EBF3: variants seen among roughly 807,000 people sequenced by gnomAD.
EBF3 encodes the protein transcription factor COE3.
A neutral mutation model predicts 77.1 loss-of-function variants in EBF3; 18 were observed. That is an observed-to-expected ratio of 0.23 (90% CI 0.16 to 0.35). EBF3 has a LOEUF of 0.35. Ranked by LOEUF, EBF3 falls within the 10% of genes least tolerant of loss-of-function variation. The pLI, the probability that EBF3 is intolerant of heterozygous loss-of-function variation, is 1.00. For missense variants in EBF3, 558 were observed against 860.0 expected, an observed-to-expected ratio of 0.65 and a Z score of 4.39; for synonymous variants, 350 against 343.5, an observed-to-expected ratio of 1.02 and a Z score of -0.21.
intron 6 of EBF3, among the ~76,000 whole-genome samples, chr10:129,917,780 A>C (rs373339768): frequency 7.9e-5 from 12 of 152,074 alleles, no homozygotes; most frequent in East Asian, 7.7e-4. Flanking sequence ...GTGATATTTA[A>C]ATATAATTTG....
intron 6 of EBF3, among the ~76,000 whole-genome samples, chr10:129,880,548 T>G (rs916508189): frequency 2.0e-5 from 3 of 152,202 alleles, no homozygotes; most frequent in African/African-American, 7.2e-5. Flanking sequence ...CTCCCTCTCT[T>G]TATTTTCTAT....
intron 6 of EBF3, among the ~76,000 whole-genome samples, chr10:129,936,628 G>A: frequency 6.6e-6 from 1 of 151,732 alleles, no homozygotes; most frequent in East Asian, 1.9e-4. Context: ...GTTATGGCAG[G>A]GGACCCTCAG....
Position 129,848,229 on chromosome 10 carries a change from A to G in EBF3, c.1128+163T>C, listed in dbSNP as rs1850611460. On this transcript the variant is annotated intron_variant, in intron 11 of 16. Coordinates refer to ENST00000440978, the MANE Select transcript of EBF3 (RefSeq NM_001375380.1). This position sits in a 1 kb window ranked among gnomAD's most constrained non-coding sequence, Gnocchi z 4.4. Reference sequence around the variant, plus strand: ...CCTTCGCCCACCTCTGAAGCTGGTCAGGTGCGGGCCCGGGCAGCTCCTCAC... The same window carrying G: ...CCTTCGCCCACCTCTGAAGCTGGTCGGGTGCGGGCCCGGGCAGCTCCTCAC... Among the ~76,000 whole-genome samples, 1 of 152,194 alleles carries G rather than the reference A, an allele frequency of 6.6e-6. No individual in the cohort carries two copies. Among genetic ancestry groups the G allele is most frequent in the Non-Finnish European group, 1.5e-5 (1 of 68,044 alleles).
At chr10:129,840,537 G>T in intron 14 of EBF3, 95 bp from the exon 15 acceptor site, 1 of 1,381,962 alleles carries the variant, frequency 7.2e-7, no homozygotes, top group Non-Finnish European at 9.8e-7. Context: ...GGGGGCAGGG[G>T]CACGAAAACA....
rs1849599970 is a variant in EBF3 at position 129,836,164 on chromosome 10, GTATT to G, written c.*1775_*1778del. On this transcript the variant is annotated 3_prime_UTR_variant, in exon 17 of 17. Coordinates refer to ENST00000440978, the MANE Select transcript of EBF3 (RefSeq NM_001375380.1). ...TTTACACCATACATCTCCAAATGAAGTATTTATTAACAATTGTAGTGTAAGCCTG... is the reference window on the plus strand; with the variant it reads ...TTTACACCATACATCTCCAAATGAAGTATTAACAATTGTAGTGTAAGCCTG... 6.5e-6 allele frequency: 1 copy of G among 152,734 alleles called. No individual in the cohort carries two copies. Among genetic ancestry groups the G allele is most frequent in the Non-Finnish European group, 1.5e-5 (1 of 68,024 alleles). 9.5% of individuals were successfully genotyped at this position (152,734 alleles called of 1,614,324 possible).
At chr10:129,922,396 A>G (rs868548126) in intron 6 of EBF3, among the ~76,000 whole-genome samples, 21 of 152,194 alleles carry the variant, frequency 1.4e-4, no homozygotes, top group African/African-American at 4.8e-4. Flanking sequence ...CTGTGTGGGA[A>G]GCCACACCCC....
At position 129,842,959 on chromosome 10, in the gene EBF3, C is replaced by G. The variant is rs985744711; in HGVS notation, c.1194+178G>C. On this transcript the variant is annotated intron_variant, in intron 12 of 16. Coordinates refer to ENST00000440978, the MANE Select transcript of EBF3 (RefSeq NM_001375380.1). The surrounding 1 kb of genome is among the most constrained non-coding windows in gnomAD (Gnocchi z 4.4). ...CTTTTGGGTCCTGACACCAACTCAT[C>G]ATTTCTACGTGAACCTAGCGTGAGG... 2.0e-5 allele frequency among the ~76,000 whole-genome samples: 3 copies of G among 152,014 alleles called. No individual in the cohort carries two copies. Among genetic ancestry groups the G allele is most frequent in the Non-Finnish European group, 4.4e-5 (3 of 68,020 alleles).
At chr10:129,941,575 G>T (rs554311755) in intron 6 of EBF3, among the ~76,000 whole-genome samples, 7 of 152,200 alleles carry the variant, frequency 4.6e-5, no homozygotes, top group Admixed American at 2.6e-4. Context: ...AAAGGGTCAG[G>T]GGGGAGCCCT....
At chr10:129,878,617 G>A (rs1055887467) in intron 6 of EBF3, among the ~76,000 whole-genome samples, 21 of 144,736 alleles carry the variant, frequency 1.5e-4, no homozygotes, top group Non-Finnish European at 2.4e-4. Context: ...AGCCGAGATC[G>A]TGCCAGTGCA....
chr10:129,843,238 G>A (rs374630902), intron 11 of EBF3, 36 bp from the exon 12 acceptor site: 27 of 1,588,296 alleles, frequency 1.7e-5, no homozygotes, highest in South Asian at 1.0e-4. Context: ...ATTCATGGGA[G>A]GAACCGGCCA....
In EBF3 at chr10:129,838,147, G is replaced by A. The variant is rs1313976204; in HGVS notation, c.1873-187C>T. 3.3e-5 allele frequency among the ~76,000 whole-genome samples: 5 copies of A among 152,230 alleles called. No homozygotes were observed. The East Asian group carries it at 5.8e-4, about 18-fold the overall frequency. On this transcript the variant is annotated intron_variant, in intron 16 of 16. Transcript: ENST00000440978. ...TCTGCTTCCTGAGGTGGGGGCACAC[G>A]TGGGGACAACAACCCCCAGTCCTGC...
rs549940604 is a variant in EBF3 at position 129,848,655 on chromosome 10, C to T, written c.1040-175G>A. Among the ~76,000 whole-genome samples the T allele has an allele frequency of 6.6e-6, 1 of 152,266 alleles. No homozygotes were observed. Among genetic ancestry groups the T allele is most frequent in the African/African-American group, 2.4e-5 (1 of 41,558 alleles). On this transcript the variant is annotated intron_variant, in intron 10 of 16. Transcript: ENST00000440978. The surrounding 1 kb of genome is among the most constrained non-coding windows in gnomAD (Gnocchi z 4.4). ...ATAGATTTTCCCCCTTTCTTTTGCACATAAAAGCAACGATTATTTCTGATC... is the reference window on the plus strand; with the variant it reads ...ATAGATTTTCCCCCTTTCTTTTGCATATAAAAGCAACGATTATTTCTGATC...
intron 6 of EBF3, among the ~76,000 whole-genome samples, chr10:129,889,647 G>A (rs865804414): frequency 6.6e-6 from 1 of 152,096 alleles, no homozygotes; most frequent in East Asian, 1.9e-4. Context: ...GGAATCTTCC[G>A]TTCACTTTCT....
chr10:129,868,651 G>T (rs995376722), intron 8 of EBF3, among the ~76,000 whole-genome samples: 3 of 152,224 alleles, frequency 2.0e-5, no homozygotes, highest in African/African-American at 2.4e-5. Flanking sequence ...GAGGGTGCAG[G>T]GGGGAGGGGA....
At position 129,842,806 on chromosome 10, in the gene EBF3, T is replaced by C. The variant is rs1295895214; in HGVS notation, c.1194+331A>G. ...AGGGAGCAACATTTGCTGTGTTCTG[T>C]CCTGCATGCTGTGGGGCGCCCATCC... On this transcript the variant is annotated intron_variant, in intron 12 of 16. Coordinates refer to ENST00000440978, the MANE Select transcript of EBF3 (RefSeq NM_001375380.1). This position sits in a 1 kb window ranked among gnomAD's most constrained non-coding sequence, Gnocchi z 4.4. Among the ~76,000 whole-genome samples, 4 of 149,106 alleles carry C rather than the reference T, an allele frequency of 2.7e-5. No homozygotes were observed. The highest frequency in any genetic ancestry group is 4.4e-5 in the Non-Finnish European group (3 of 67,552).
In EBF3 at chr10:129,947,933, G is replaced by A. The variant is rs1029603075; in HGVS notation, c.554+9325C>T. Among the ~76,000 whole-genome samples, 3 of 152,082 alleles carry A rather than the reference G, an allele frequency of 2.0e-5. No homozygotes were observed. Among genetic ancestry groups the A allele is most frequent in the African/African-American group, 7.2e-5 (3 of 41,404 alleles). On this transcript the variant is annotated intron_variant, in intron 6 of 16. Transcript: ENST00000440978. The surrounding 1 kb of genome is among the most constrained non-coding windows in gnomAD (Gnocchi z 4.5). ...CTAAAAAGTCACAAGAAGACATGCAGGAAACTTAAATGCCTACTGCTCAGT... is the reference window on the plus strand; with the variant it reads ...CTAAAAAGTCACAAGAAGACATGCAAGAAACTTAAATGCCTACTGCTCAGT...
intron 4 of EBF3, among the ~76,000 whole-genome samples, chr10:129,959,306 G>A (rs1859293860): frequency 6.6e-6 from 1 of 151,780 alleles, no homozygotes; most frequent in African/African-American, 2.4e-5. Context: ...GGCAGGGCGA[G>A]GGAGGCCGGG....
chr10:129,945,980 C>T (rs561969894), intron 6 of EBF3, among the ~76,000 whole-genome samples: 5 of 151,790 alleles, frequency 3.3e-5, no homozygotes, highest in African/African-American at 9.7e-5. Context: ...GTAAAAGTTT[C>T]CACTCGTTAG....
chr10:129,841,046 C>CCCCCT lies in EBF3; in HGVS notation c.1373-15_1373-14insAGGGG. ...GACTGTAGCCGACTGTTGAAATCCC[C>CCCCCT]CCCCCGGCCAAAAATAACATTATTA... On this transcript the variant is annotated splice_polypyrimidine_tract_variant and intron_variant, in intron 13 of 16. Coordinates refer to ENST00000440978, the MANE Select transcript of EBF3 (RefSeq NM_001375380.1). The surrounding 1 kb of genome is among the most constrained non-coding windows in gnomAD (Gnocchi z 4.6). 6.2e-7 allele frequency: 1 copy of CCCCCT among 1,602,598 alleles called. No homozygotes were observed. Among genetic ancestry groups the CCCCCT allele is most frequent in the Non-Finnish European group, 8.5e-7 (1 of 1,174,594 alleles).
Sources: allele counts gnomAD v4.1 joint callset (sites outside exome capture counted in the v4.1 genomes callset), GRCh38; gene constraint gnomAD v4.1.1; non-coding constraint Gnocchi (gnomAD v3.1); transcripts MANE v1.5; gene names NCBI Gene and HGNC (gene_info 2026-07-23, HGNC 2026-07-21).